Variants in PLCB4 observed in about 807,000 individuals in gnomAD.
The protein encoded by PLCB4 is 1-phosphatidylinositol 4,5-bisphosphate phosphodiesterase beta-4.
A neutral mutation model predicts 178.8 loss-of-function variants in PLCB4; 77 were observed. The ratio of observed to expected loss-of-function variants is 0.43; its 90% CI spans 0.36 to 0.52. The LOEUF (loss-of-function observed/expected upper bound fraction) is 0.52, where lower values mean the gene tolerates loss of function less well. Among genes scored for constraint, PLCB4 ranks in the 20% least tolerant of loss-of-function variants. The pLI is 0.00. For missense variants in PLCB4, 1,024 were observed against 1,453.4 expected, an observed-to-expected ratio of 0.70 and a Z score of 4.80; for synonymous variants, 496 against 490.8, an observed-to-expected ratio of 1.01 and a Z score of -0.14.
At chr20:9,462,866 T>C (rs1047156834) in intron 35 of PLCB4, among the ~76,000 whole-genome samples, 3 of 152,086 alleles carry the variant, frequency 2.0e-5, no homozygotes, top group Non-Finnish European at 4.4e-5. Flanking sequence ...CAGTAGAACT[T>C]CCCCAACTTA....
At chr20:9,294,841 C>A (rs558037867) in intron 3 of PLCB4, among the ~76,000 whole-genome samples, 52 of 152,178 alleles carry the variant, frequency 3.4e-4, no homozygotes, top group South Asian at 2.1e-3. Flanking sequence ...GTCGGGGTAC[C>A]ATACTTTAAG....
chr20:9,273,493 G>A (rs1363951080), intron 3 of PLCB4, among the ~76,000 whole-genome samples: 1 of 152,080 alleles, frequency 6.6e-6, no homozygotes, highest in Non-Finnish European at 1.5e-5. Flanking sequence ...GATGGAAGAA[G>A]CAGGGGATCC....
chr20:9,466,351 A>G (rs958245133), intron 35 of PLCB4, among the ~76,000 whole-genome samples: 3 of 152,218 alleles, frequency 2.0e-5, no homozygotes, highest in Non-Finnish European at 2.9e-5. Flanking sequence ...AACCTAGGCA[A>G]TACCATTCAG....
At position 9,096,270 on chromosome 20, in the gene PLCB4, C is replaced by T. The variant is rs941938819; in HGVS notation, c.-134-17C>T. The stretch of plus-strand genomic sequence containing the variant: ...TTGTTACTAGTAGGTAGTTTTTCTT[C>T]TATTTTTTCTTCACAGGAAAAGACA... On this transcript the variant is annotated splice_polypyrimidine_tract_variant and intron_variant, in intron 1 of 39. Coordinates refer to ENST00000378473, the MANE Select transcript of PLCB4 (RefSeq NM_001377142.1). 6.6e-6 allele frequency: 1 copy of T among 152,118 alleles called. No individual in the cohort carries two copies. The highest frequency in any genetic ancestry group is 2.4e-5 in the African/African-American group (1 of 41,440). 9.4% of individuals were successfully genotyped at this position (152,118 alleles called of 1,614,324 possible).
rs774082540 is a variant in PLCB4 at position 9,339,027 on chromosome 20, A to T, written c.359A>T (p.Glu120Val). 1.9e-6 allele frequency: 3 copies of T among 1,612,884 alleles called. No homozygotes were observed. ...SFTYMVAENP[E>V]VTKQWVEGLR... ...ACCTACATGGTGGCTGAAAATCCAG[A>T]AGTAACTAAGGTAGCTTCAGTTAAA... Residue 120 changes from glutamate (E) to valine (V), a missense_variant, in exon 7 of 40, where the codon GAA becomes GTA. Around this residue, in one of 7 missense-constraint regions of PLCB4, gnomAD observed 225 missense variants for 291.0 expected, o/e 0.77. Transcript: ENST00000378473.
intron 4 of PLCB4, among the ~76,000 whole-genome samples, chr20:9,334,855 G>A (rs1249480208): frequency 1.3e-5 from 2 of 152,080 alleles, no homozygotes; most frequent in Non-Finnish European, 2.9e-5. Context: ...GAGATATTAG[G>A]AATTGAAATG....
intron 2 of PLCB4, among the ~76,000 whole-genome samples, chr20:9,213,161 A>C (rs1218313709): frequency 1.8e-5 from 2 of 113,768 alleles, no homozygotes; most frequent in Non-Finnish European, 3.4e-5. Flanking sequence ...TTTTTTTTAG[A>C]CAAAGTCTCA....
chr20:9,201,232 G>T (rs2093540766), intron 2 of PLCB4, among the ~76,000 whole-genome samples: 1 of 152,022 alleles, frequency 6.6e-6, no homozygotes, highest in Non-Finnish European at 1.5e-5. Flanking sequence ...TCCTCCCTTT[G>T]CAATTAAATT....
chr20:9,377,688 G>C (rs1459159493), intron 12 of PLCB4, among the ~76,000 whole-genome samples: 1 of 152,128 alleles, frequency 6.6e-6, no homozygotes, highest in East Asian at 1.9e-4. Context: ...TTAGGGCTTG[G>C]TTTTCCTGGC....
chr20:9,221,483 A>C (rs1305901799), intron 3 of PLCB4, among the ~76,000 whole-genome samples: 2 of 152,236 alleles, frequency 1.3e-5, no homozygotes, highest in East Asian at 3.8e-4. Context: ...TTATCTGGGC[A>C]GGACACTAGA....
At chr20:9,155,983 G>T (rs922918991) in intron 2 of PLCB4, among the ~76,000 whole-genome samples, 3 of 152,134 alleles carry the variant, frequency 2.0e-5, no homozygotes, top group African/African-American at 7.2e-5. Flanking sequence ...AGCAAACATC[G>T]TGGAGAACTT....
chr20:9,422,780 G>A (rs529356339), intron 27 of PLCB4, among the ~76,000 whole-genome samples: 102 of 152,272 alleles, frequency 6.7e-4, no homozygotes, highest in African/African-American at 2.4e-3. Flanking sequence ...TGGCAAGAAT[G>A]GCAAATCCCA....
chr20:9,359,712 A>G (rs771679408), intron 7 of PLCB4, among the ~76,000 whole-genome samples: 1 of 152,164 alleles, frequency 6.6e-6, no homozygotes, highest in Non-Finnish European at 1.5e-5. Context: ...AGGACTGGAA[A>G]ATGCGCTTCC....
chr20:9,269,081 TACTTTAG>T (rs2094377973), intron 3 of PLCB4, among the ~76,000 whole-genome samples: 1 of 152,236 alleles, frequency 6.6e-6, no homozygotes, highest in Non-Finnish European at 1.5e-5. Context: ...TTATTCCTAA[TACTTTAG>T]GCTATACTTG....
chr20:9,380,680 C>T (rs1158583000), intron 13 of PLCB4, among the ~76,000 whole-genome samples: 1 of 152,142 alleles, frequency 6.6e-6, no homozygotes, highest in Admixed American at 6.6e-5. Flanking sequence ...ACCTTTGTCC[C>T]TTTCAAAGAA....
intron 33 of PLCB4, among the ~76,000 whole-genome samples, chr20:9,455,994 C>T (rs1163499520): frequency 1.3e-5 from 2 of 152,074 alleles, no homozygotes; most frequent in Non-Finnish European, 2.9e-5. Context: ...TGCTGCCATG[C>T]CGGCTAATTT....
intron 1 of PLCB4, among the ~76,000 whole-genome samples, chr20:9,070,548 A>G (rs1279793818): frequency 1.3e-5 from 2 of 152,200 alleles, no homozygotes; most frequent in Non-Finnish European, 2.9e-5. Context: ...ACAGTCTTGC[A>G]TGATCCTTAG....
intron 35 of PLCB4, among the ~76,000 whole-genome samples, chr20:9,463,593 C>CAAAAAAAAAAA (rs145361980): frequency 8.0e-5 from 4 of 49,704 alleles, no homozygotes; most frequent in Non-Finnish European, 1.5e-4. Flanking sequence ...AAATGGAAAG[C>CAAAAAAAAAAA]AAAAAAAAAA....
At chr20:9,473,829 C>G (rs1206190518) in intron 38 of PLCB4, among the ~76,000 whole-genome samples, 1 of 152,188 alleles carries the variant, frequency 6.6e-6, no homozygotes, top group Non-Finnish European at 1.5e-5. Flanking sequence ...CATGAGCCCC[C>G]ATCACTCTAC....
Sources: gnomAD v4.1 joint callset for allele counts (sites outside exome capture counted in the v4.1 genomes callset) on GRCh38, gnomAD v4.1.1 for gene constraint, gnomAD v4.1.1 regional missense constraint, MANE v1.5 for transcripts, NCBI Gene and HGNC (gene_info 2026-07-23, HGNC 2026-07-21) for gene names.